SLC4A4: variants seen among roughly 807,000 people sequenced by gnomAD.
The protein encoded by SLC4A4 is electrogenic sodium bicarbonate cotransporter 1.
A neutral mutation model predicts 111.5 loss-of-function variants in SLC4A4; 27 were observed. The observed-to-expected ratio is 0.24, with a 90% CI of 0.18 to 0.33. SLC4A4 has a LOEUF of 0.33. Ranked by LOEUF, SLC4A4 falls within the 10% of genes least tolerant of loss-of-function variation. SLC4A4 has a pLI of 1.00. For synonymous variants in SLC4A4, 443 were observed against 463.4 expected (o/e 0.96, Z 0.57); for missense variants, 909 against 1,315.5 (o/e 0.69, Z 4.78).
intron 7 of SLC4A4, among the ~76,000 whole-genome samples, chr4:71,420,767 T>C (rs1168218775): frequency 7.7e-5 from 11 of 143,166 alleles, no homozygotes; most frequent in Non-Finnish European, 1.7e-4. Context: ...ATAAAATACT[T>C]TACAGACAAG....
At chr4:71,206,427 GC>G (rs1310567055) in intron 1 of SLC4A4, among the ~76,000 whole-genome samples, 1 of 152,084 alleles carries the variant, frequency 6.6e-6, no homozygotes, top group South Asian at 2.1e-4. Flanking sequence ...AAGGCTCATG[GC>G]CCCCCAAAAT....
At chr4:71,232,661 C>T (rs1209480141) in intron 1 of SLC4A4, among the ~76,000 whole-genome samples, 3 of 152,214 alleles carry the variant, frequency 2.0e-5, no homozygotes, top group African/African-American at 4.8e-5. Flanking sequence ...AATCCTCCCA[C>T]TCGGCCTCCC....
At chr4:71,497,801 T>A (rs1216746791) in intron 16 of SLC4A4, 109 bp downstream of exon 16, 1 of 906,088 alleles carries the variant, frequency 1.1e-6, no homozygotes, top group African/African-American at 1.7e-5. Flanking sequence ...CCAATATAAT[T>A]TTGTGCGTTT....
chr4:71,267,790 C>CAAAA (rs1722379370), intron 3 of SLC4A4, among the ~76,000 whole-genome samples: 1 of 13,068 alleles, frequency 7.7e-5, no homozygotes, highest in African/African-American at 2.0e-4. Flanking sequence ...TGAGAGTCTG[C>CAAAA]CAAAAAAAAA....
intron 18 of SLC4A4, among the ~76,000 whole-genome samples, chr4:71,537,312 CAT>C (rs1734596727): frequency 1.4e-4 from 2 of 14,296 alleles, no homozygotes; most frequent in South Asian, 2.0e-3. Flanking sequence ...TATGTATACA[CAT>C]ATGTCTACAT....
chr4:71,518,422 C>G (rs535478722), intron 16 of SLC4A4, among the ~76,000 whole-genome samples: 180 of 152,140 alleles, frequency 1.2e-3, no homozygotes, highest in African/African-American at 4.2e-3. Flanking sequence ...ATGCATGGTA[C>G]TTACCTGGTG....
intron 16 of SLC4A4, among the ~76,000 whole-genome samples, chr4:71,505,751 G>A (rs1006613758): frequency 3.3e-5 from 5 of 151,836 alleles, no homozygotes; most frequent in African/African-American, 1.2e-4. Context: ...TGTCTTCATC[G>A]TGAAATCTTT....
At chr4:71,103,624 A>G (rs1377941794) in intron 2 of SLC4A4, among the ~76,000 whole-genome samples, 3 of 152,318 alleles carry the variant, frequency 2.0e-5, no homozygotes, top group African/African-American at 7.2e-5. Context: ...ATCTCACTCA[A>G]AACCGCTCAA....
intron 1 of SLC4A4, among the ~76,000 whole-genome samples, chr4:71,229,535 G>A (rs574394509): frequency 6.6e-6 from 1 of 152,152 alleles, no homozygotes; most frequent in South Asian, 2.1e-4. Flanking sequence ...TTTTGTGTGG[G>A]GCTCTCACCT....
intron 2 of SLC4A4, among the ~76,000 whole-genome samples, chr4:71,135,030 T>C (rs1207710513): frequency 6.6e-6 from 1 of 152,218 alleles, no homozygotes; most frequent in Non-Finnish European, 1.5e-5. Flanking sequence ...AGTCCATCGC[T>C]GGGCTCCGAT....
At chr4:71,311,888 T>TGAGAGAGA (rs1491510042) in intron 3 of SLC4A4, among the ~76,000 whole-genome samples, 27 of 31,562 alleles carry the variant, frequency 8.6e-4, no homozygotes, top group East Asian at 5.2e-3. Flanking sequence ...TGTGCAAGGC[T>TGAGAGAGA]GTGAGAGAGA....
chr4:71,560,359 GT>G, intron 23 of SLC4A4, 105 bp downstream of exon 23: 1 of 1,277,760 alleles, frequency 7.8e-7, no homozygotes, highest in Non-Finnish European at 1.1e-6. Flanking sequence ...TTCTAAGAAT[GT>G]TTATCTGGAC....
intron 3 of SLC4A4, among the ~76,000 whole-genome samples, chr4:71,259,248 C>T (rs139126888): frequency 6.6e-6 from 1 of 152,112 alleles, no homozygotes; most frequent in East Asian, 1.9e-4. Context: ...TATAACCTAA[C>T]GCTTTCTATT....
intron 1 of SLC4A4, among the ~76,000 whole-genome samples, chr4:71,190,183 G>A (rs1745662181): frequency 6.6e-6 from 1 of 152,078 alleles, no homozygotes; most frequent in Admixed American, 6.6e-5. Flanking sequence ...TTTATTTGAG[G>A]TCAGCTAAGT....
chr4:71,163,237 G>T (rs1283410838), intron 2 of SLC4A4, among the ~76,000 whole-genome samples: 2 of 152,104 alleles, frequency 1.3e-5, no homozygotes, highest in Non-Finnish European at 2.9e-5. Context: ...GTTTTATTAG[G>T]TTGTCTACTT....
intron 2 of SLC4A4, among the ~76,000 whole-genome samples, chr4:71,127,645 A>G (rs1246445967): frequency 6.6e-6 from 1 of 152,230 alleles, no homozygotes; most frequent in African/African-American, 2.4e-5. Flanking sequence ...CCATAAATAA[A>G]GATATTTAAA....
chr4:71,457,702 C>T (rs76685731), intron 12 of SLC4A4, among the ~76,000 whole-genome samples: 118 of 152,200 alleles, frequency 7.8e-4, no homozygotes, highest in African/African-American at 2.7e-3. Flanking sequence ...TCCTAAATAA[C>T]GTGTCCCCTT....
chr4:71,514,500 A>G (rs1732203197), intron 16 of SLC4A4, among the ~76,000 whole-genome samples: 1 of 152,220 alleles, frequency 6.6e-6, no homozygotes, highest in Non-Finnish European at 1.5e-5. Flanking sequence ...GTAATTCTTT[A>G]AAGTAATGCG....
chr4:71,086,175 G>T (rs543641977), intron 1 of SLC4A4, among the ~76,000 whole-genome samples: 1 of 151,692 alleles, frequency 6.6e-6, no homozygotes, highest in Non-Finnish European at 1.5e-5. Context: ...AATTGTGAAT[G>T]GGAGTTCACT....
Sources: gnomAD v4.1 joint callset for allele counts (sites outside exome capture counted in the v4.1 genomes callset) on GRCh38, gnomAD v4.1.1 for gene constraint, MANE v1.5 for transcripts, NCBI Gene and HGNC (gene_info 2026-07-23, HGNC 2026-07-21) for gene names.